The following MCC variants were observed in gnomAD, a reference collection of about 807,000 sequenced individuals.
MCC encodes the protein MCC regulator of Wnt signaling pathway.
A neutral mutation model predicts 116.2 loss-of-function variants in MCC; 90 were observed. The ratio of observed to expected loss-of-function variants is 0.77; its 90% CI spans 0.65 to 0.92. MCC has a LOEUF of 0.92. Ranked by LOEUF, MCC falls within the 40% of genes least tolerant of loss-of-function variation. The pLI is 0.00. For synonymous variants in MCC, 578 were observed against 510.5 expected (o/e 1.13, Z -1.78); for missense variants, 1,516 against 1,312.2 (o/e 1.16, Z -2.40).
At chr5:113,170,483 A>ACC (rs1761015683) in intron 3 of MCC, among the ~76,000 whole-genome samples, 2 of 151,974 alleles carry the variant, frequency 1.3e-5, no homozygotes, top group South Asian at 4.2e-4. Flanking sequence ...GTCCCACAGT[A>ACC]CCCAGCCTTT....
At chr5:113,247,137 C>T (rs1764612282) in intron 3 of MCC, among the ~76,000 whole-genome samples, 1 of 152,170 alleles carries the variant, frequency 6.6e-6, no homozygotes, top group Non-Finnish European at 1.5e-5. Flanking sequence ...GTAGTTTACA[C>T]ATATGGAGGA....
chr5:113,240,527 A>G (rs1167624053), intron 3 of MCC, among the ~76,000 whole-genome samples: 5 of 152,188 alleles, frequency 3.3e-5, no homozygotes, highest in Non-Finnish European at 7.3e-5. Flanking sequence ...CCACTCTAGC[A>G]TATGTAGCTT....
chr5:113,329,623 C>T lies in MCC; in HGVS notation c.627+10896G>A, dbSNP rs183151136. ...GGATTATCTCTTTCAAAGAAACAGT[C>T]CAACAACCAAAAGTAATTAATAATA... is the stretch of plus-strand genomic sequence containing the variant. On this transcript the variant is annotated intron_variant, in intron 3 of 18. Coordinates refer to ENST00000408903, the MANE Select transcript of MCC (RefSeq NM_001085377.2). 1.9e-3 allele frequency among the ~76,000 whole-genome samples: 282 copies of T among 152,264 alleles called. 2 individuals are homozygous for T. Among genetic ancestry groups the T allele is most frequent in the African/African-American group, 6.4e-3 (264 of 41,546 alleles).
At chr5:113,265,640 G>C (rs1765391457) in intron 3 of MCC, among the ~76,000 whole-genome samples, 1 of 152,040 alleles carries the variant, frequency 6.6e-6, no homozygotes, top group Non-Finnish European at 1.5e-5. Flanking sequence ...AGTACACCGG[G>C]GTCTCTGGGA....
chr5:113,036,804 C>G (rs1347243860), intron 17 of MCC, among the ~76,000 whole-genome samples: 1 of 152,140 alleles, frequency 6.6e-6, no homozygotes, highest in Admixed American at 6.5e-5. Context: ...AAATAAATCT[C>G]AATTACTCAA....
intron 3 of MCC, among the ~76,000 whole-genome samples, chr5:113,312,041 G>A (rs1767147086): frequency 6.6e-6 from 1 of 152,220 alleles, no homozygotes; most frequent in African/African-American, 2.4e-5. Context: ...GGGCGGCAGA[G>A]TTTGCAGTGA....
intron 15 of MCC, among the ~76,000 whole-genome samples, chr5:113,049,764 G>A (rs985536011): frequency 6.6e-6 from 1 of 152,154 alleles, no homozygotes; most frequent in East Asian, 1.9e-4. Flanking sequence ...CCAACCACAT[G>A]TTTAATCACA....
chr5:113,309,275 T>C (rs1218975951), intron 3 of MCC, among the ~76,000 whole-genome samples: 1 of 152,230 alleles, frequency 6.6e-6, no homozygotes, highest in East Asian at 1.9e-4. Context: ...TCTGGACTTT[T>C]TAGTGTAGCC....
chr5:113,259,748 T>C (rs945338346), intron 3 of MCC, among the ~76,000 whole-genome samples: 22 of 152,060 alleles, frequency 1.4e-4, no homozygotes, highest in Non-Finnish European at 2.9e-4. Flanking sequence ...GTGGGAGTTA[T>C]TTATATACTA....
rs76778017 is a variant in MCC, at chr5:113,473,559, A to G, written c.170+14686T>C. Among the ~76,000 whole-genome samples the G allele has an allele frequency of 8.5e-3, 1,297 of 152,174 alleles. 21 individuals carry two copies. The highest frequency in any genetic ancestry group is 0.03 in the African/African-American group (1,244 of 41,522). ...CAAAAACAAAAACAAAACAAAACAA[A>G]ACAAAATACTGTGTGGGCAACTGTC... is the stretch of plus-strand genomic sequence containing the variant. On this transcript the variant is annotated intron_variant, in intron 1 of 18. Coordinates refer to ENST00000408903, the MANE Select transcript of MCC (RefSeq NM_001085377.2).
chr5:113,177,961 C>G (rs1761422052), intron 3 of MCC, among the ~76,000 whole-genome samples: 2 of 152,140 alleles, frequency 1.3e-5, no homozygotes, highest in Admixed American at 1.3e-4. Context: ...AATTTTTTCT[C>G]CTTATCTTAG....
chr5:113,330,595 AGCT>A (rs1767675654), intron 3 of MCC, among the ~76,000 whole-genome samples: 1 of 152,248 alleles, frequency 6.6e-6, no homozygotes, highest in South Asian at 2.1e-4. Context: ...GCTGCCAAGC[AGCT>A]ACTCTGTTTT....
chr5:113,315,704 C>CAAAAAAAAAA (rs35274366), intron 3 of MCC, among the ~76,000 whole-genome samples: 1 of 64,470 alleles, frequency 1.6e-5, no homozygotes. Context: ...CCCATCTCTA[C>CAAAAAAAAAA]AAAAAAAAAA....
intron 3 of MCC, among the ~76,000 whole-genome samples, chr5:113,243,501 C>T (rs573483511): frequency 4.6e-5 from 7 of 152,310 alleles, no homozygotes; most frequent in African/African-American, 1.7e-4. Flanking sequence ...TCAGTTACTA[C>T]AGGCTTTGAC....
intron 2 of MCC, among the ~76,000 whole-genome samples, chr5:113,376,834 G>A (rs1000621786): frequency 6.6e-6 from 1 of 152,080 alleles, no homozygotes; most frequent in Admixed American, 6.5e-5. Context: ...CTCAAGCTGA[G>A]CATGTAATCC....
At chr5:113,033,805 T>C (rs1352893896) in intron 17 of MCC, among the ~76,000 whole-genome samples, 1 of 152,198 alleles carries the variant, frequency 6.6e-6, no homozygotes, top group African/African-American at 2.4e-5. Context: ...CACACATGGA[T>C]TTCAGTTCCA....
At chr5:113,388,586 C>G (rs975662344) in intron 1 of MCC, among the ~76,000 whole-genome samples, 1 of 152,176 alleles carries the variant, frequency 6.6e-6, no homozygotes, top group East Asian at 1.9e-4. Context: ...CCTCCCCCAC[C>G]TTGCTCCCTC....
At chr5:113,135,278 G>A (rs1758744663) in intron 5 of MCC, among the ~76,000 whole-genome samples, 1 of 149,154 alleles carries the variant, frequency 6.7e-6, no homozygotes, top group African/African-American at 2.4e-5. Context: ...TTAGGGGCCG[G>A]GCACAGTGGC....
chr5:113,400,480 C>G (rs748347504), intron 1 of MCC, among the ~76,000 whole-genome samples: 1 of 152,068 alleles, frequency 6.6e-6, no homozygotes, highest in Non-Finnish European at 1.5e-5. Context: ...AAAGAAAATA[C>G]TTTAATGTAT....
Sources: allele counts gnomAD v4.1 joint callset (sites outside exome capture counted in the v4.1 genomes callset), GRCh38; gene constraint gnomAD v4.1.1; transcripts MANE v1.5; gene names NCBI Gene and HGNC (gene_info 2026-07-23, HGNC 2026-07-21).